BRWD1: variants seen among roughly 807,000 people sequenced by gnomAD.
BRWD1 encodes bromodomain and WD repeat-containing protein 1.
A neutral mutation model predicts 251.2 loss-of-function variants in BRWD1; 82 were observed. The observed-to-expected ratio is 0.33, with a 90% confidence interval of 0.27 to 0.39. The LOEUF (loss-of-function observed/expected upper bound fraction) is 0.39, where lower values mean the gene tolerates loss of function less well. BRWD1 is among the 10% of genes least tolerant of loss of function. The pLI, the probability that BRWD1 is intolerant of heterozygous loss-of-function variation, is 1.00. For missense variants in BRWD1, 2,233 were observed against 2,711.6 expected (o/e 0.82, Z 3.92); for synonymous variants, 918 against 902.8 (o/e 1.02, Z -0.30).
rs2036520710 is a variant in BRWD1 at position 39,312,467 on chromosome 21, G to A, written c.198+374C>T. On this transcript the variant is annotated intron_variant, in intron 4 of 40. Transcript: ENST00000342449. ...ACCCGGGCGGGGCAAGAGCAGCGAG[G>A]CCAATCAGAGCGCGAGTTACAAGCG... 8 of 180,872 alleles carry A rather than the reference G, an allele frequency of 4.4e-5. No individual in the cohort carries two copies. In the South Asian group the frequency reaches 8.4e-4, roughly 19 times the overall value. The allele number at this position is 180,872 out of a possible 1,614,324, so 11.2% of individuals were successfully genotyped here. A position where few individuals can be genotyped will look rare whatever the true frequency, so the allele number is the denominator to read the frequency against.
chr21:39,191,996 A>G lies in BRWD1; in HGVS notation c.*4263T>C. 1.0e-6 allele frequency: 1 copy of G among 985,300 alleles called. No individual in the cohort carries two copies. Among genetic ancestry groups the G allele is most frequent in the Non-Finnish European group, 1.2e-6 (1 of 829,814 alleles). The allele number at this position is 985,300 out of a possible 1,614,324, so 61.0% of individuals were successfully genotyped here. A position where few individuals can be genotyped will look rare whatever the true frequency, so the allele number is the denominator to read the frequency against. ...ACATGTTGCCAAAGATAGAGCCTGC[A>G]GATTGGTAGAATCCAAATGATGTGA... On this transcript the variant is annotated 3_prime_UTR_variant, in exon 41 of 41. Coordinates refer to ENST00000342449, the MANE Select transcript of BRWD1 (RefSeq NM_033656.4).
chr21:39,247,492 C>T (rs958566470), intron 21 of BRWD1, among the ~76,000 whole-genome samples: 1 of 152,124 alleles, frequency 6.6e-6, no homozygotes, highest in South Asian at 2.1e-4. Flanking sequence ...GGATGCTCAA[C>T]ATGTAAAACC....
intron 21 of BRWD1, among the ~76,000 whole-genome samples, chr21:39,245,593 T>G (rs1193642244): frequency 6.3e-5 from 6 of 95,418 alleles, no homozygotes; most frequent in Non-Finnish European, 1.2e-4. Flanking sequence ...TAAATACTTT[T>G]TTTTTTGGTT....
rs754098692 is a variant in BRWD1, at chr21:39,196,458, C to G, written c.6611G>C (p.Arg2204Pro). The change falls in exon 41 of 41, where the codon CGT becomes CCT. Residue 2204 changes from arginine (R) to proline (P), a missense_variant. Physicochemically the swap from Arg to Pro is moderately radical, Grantham distance 103. This residue lies in a region of BRWD1 where 928 missense variants were observed against 970.0 expected (regional missense o/e 0.96). Transcript: ENST00000342449. ...CCTAGGGCGTTTGCTTTGTCTTTGA[C>G]GTCTCACAGTTTTAGATATGTTAGC... Reference protein sequence around the residue: ...FTANISKTVRRQRQSKRPRLS... With the variant: ...FTANISKTVRPQRQSKRPRLS... 6.2e-7 allele frequency: 1 copy of G among 1,613,262 alleles called. No individual in the cohort carries two copies. Among genetic ancestry groups the G allele is most frequent in the South Asian group, 1.1e-5 (1 of 90,968 alleles).
chr21:39,191,808 T>G lies in BRWD1; in HGVS notation c.*4451A>C, dbSNP rs1407908599. The G allele has an allele frequency of 1.0e-6, 1 of 984,888 alleles. No individual in the cohort carries two copies. Among genetic ancestry groups the G allele is most frequent in the Non-Finnish European group, 1.2e-6 (1 of 829,594 alleles). The allele number at this position is 984,888 out of a possible 1,614,324, so 61.0% of individuals were successfully genotyped here. ...AGGTCAATTGGACTGCCTCTTCTCT[T>G]TGGCAGTCTAAAATCTCATTTAAGG... On this transcript the variant is annotated 3_prime_UTR_variant, in exon 41 of 41. Transcript: ENST00000342449.
Position 39,194,691 on chromosome 21 carries a change from T to C in BRWD1, c.*1568A>G. The C allele has an allele frequency of 3.3e-6, 5 of 1,534,874 alleles. No individual in the cohort carries two copies. Among genetic ancestry groups the C allele is most frequent in the Non-Finnish European group, 4.4e-6 (5 of 1,145,808 alleles). On this transcript the variant is annotated 3_prime_UTR_variant, in exon 41 of 41. Transcript: ENST00000342449. ...ACTTCAGAACATTCTCTAACATTAA[T>C]ACCAGTCTGATGCTTCGCCTTGTCT...
At chr21:39,288,513 G>A (rs542433731) in intron 8 of BRWD1, among the ~76,000 whole-genome samples, 3 of 152,092 alleles carry the variant, frequency 2.0e-5, no homozygotes, top group Non-Finnish European at 4.4e-5. Context: ...TTTGATGTAT[G>A]GATTATTTAG....
intron 8 of BRWD1, among the ~76,000 whole-genome samples, chr21:39,285,160 T>C (rs1249243079): frequency 6.6e-6 from 1 of 152,210 alleles, no homozygotes; most frequent in Non-Finnish European, 1.5e-5. Context: ...AACAGAATAT[T>C]CTTCCGTCGT....
At chr21:39,308,897 A>G (rs2036375095) in intron 4 of BRWD1, among the ~76,000 whole-genome samples, 1 of 152,142 alleles carries the variant, frequency 6.6e-6, no homozygotes, top group Non-Finnish European at 1.5e-5. Context: ...GGGAAGGGGC[A>G]GGATGCGGTG....
At chr21:39,223,672 T>C (rs537680878) in intron 29 of BRWD1, among the ~76,000 whole-genome samples, 1 of 152,288 alleles carries the variant, frequency 6.6e-6, no homozygotes, top group African/African-American at 2.4e-5. Context: ...ATGCTAGCAC[T>C]GGAGGACAGG....
At chr21:39,258,718 CAA>C in intron 17 of BRWD1, 46 bp from the exon 18 acceptor site, 1 of 1,337,410 alleles carries the variant, frequency 7.5e-7, no homozygotes, top group African/African-American at 1.5e-5. Flanking sequence ...AAGCAGAAAA[CAA>C]AAAAAAATTT....
At position 39,313,528 on chromosome 21, in the gene BRWD1, G is replaced by A; in HGVS notation, c.-37C>T. On this transcript the variant is annotated 5_prime_UTR_variant, in exon 1 of 41. Transcript: ENST00000342449. ...GGGCGGGAGGCGGGAGCGAGCGAGC[G>A]AGCGGAGCGTGTAGGCCGCGCCGAG... 6 of 1,328,012 alleles carry A rather than the reference G, an allele frequency of 4.5e-6. No homozygotes were observed. Among genetic ancestry groups the A allele is most frequent in the Non-Finnish European group, 5.7e-6 (6 of 1,045,724 alleles). 82.3% of individuals were successfully genotyped at this position (1,328,012 alleles called of 1,614,324 possible). A position where few individuals can be genotyped will look rare whatever the true frequency, so the allele number is the denominator to read the frequency against.
At chr21:39,214,423 A>G (rs571691219) in intron 32 of BRWD1, among the ~76,000 whole-genome samples, 22 of 152,120 alleles carry the variant, frequency 1.4e-4, no homozygotes, top group Non-Finnish European at 2.6e-4. Flanking sequence ...ACTCTATAAA[A>G]TAAGTAACAT....
Position 39,255,701 on chromosome 21 carries a change from G to A in BRWD1, c.2199C>T (p.Asp733=), listed in dbSNP as rs754482444. 3 of 1,614,092 alleles carry A rather than the reference G, an allele frequency of 1.9e-6. No homozygotes were observed. The highest frequency in any genetic ancestry group is 1.6e-4 in the Middle Eastern group (1 of 6,062). ...APRSQIATER[D]LQAWKRRVVV... ...CCACTCTTCGTTTCCAAGCCTGCAGGTCACGTTCTGTAGCAATCTGACTGC... is the reference window on the plus strand; with the variant it reads ...CCACTCTTCGTTTCCAAGCCTGCAGATCACGTTCTGTAGCAATCTGACTGC... Residue 733 remains aspartate, a synonymous_variant, in exon 19 of 41, where the codon GAC becomes GAT. Transcript: ENST00000342449.
intron 28 of BRWD1, 120 bp from the exon 29 acceptor site, chr21:39,224,589 A>G (rs2033307940): frequency 4.9e-6 from 3 of 617,582 alleles, no homozygotes; most frequent in East Asian, 5.6e-5. Context: ...ACAATTTTAA[A>G]TATTAACAGT....
chr21:39,304,957 A>T (rs916959188), intron 4 of BRWD1, among the ~76,000 whole-genome samples: 4 of 121,168 alleles, frequency 3.3e-5, no homozygotes, highest in East Asian at 2.5e-4. Flanking sequence ...ATATTTGGAG[A>T]TTTTTTTTTT....
At chr21:39,292,995 T>A (rs2035859198) in intron 8 of BRWD1, among the ~76,000 whole-genome samples, 1 of 152,108 alleles carries the variant, frequency 6.6e-6, no homozygotes, top group Admixed American at 6.5e-5. Flanking sequence ...GGGAGGGGAA[T>A]CCTTATCTTT....
rs769902969 is a variant in BRWD1 at position 39,274,109 on chromosome 21, TAAG to T, written c.1244+262_1244+264del. Among the ~76,000 whole-genome samples the T allele has an allele frequency of 6.6e-5, 10 of 152,172 alleles. No homozygotes were observed. The East Asian group carries it at 9.6e-4, about 15-fold the overall frequency. On this transcript the variant is annotated intron_variant, in intron 13 of 40. Transcript: ENST00000342449. ...TGTAGAAGCTTTTAAATGCAACATCTAAGAAGGAGGTCAATGCTTTGAACCATA... is the reference window on the plus strand; with the variant it reads ...TGTAGAAGCTTTTAAATGCAACATCTAAGGAGGTCAATGCTTTGAACCATA...
rs2031269790 is a variant in BRWD1, at chr21:39,186,974, T to C, written c.*9285A>G. On this transcript the variant is annotated 3_prime_UTR_variant, in exon 41 of 41. Coordinates refer to ENST00000342449, the MANE Select transcript of BRWD1 (RefSeq NM_033656.4). ...GCTGGGAGCAGAATGTAACTGCCAG[T>C]TTACTTGTGTACCAATTGTTTTCAG... 1.3e-6 allele frequency: 2 copies of C among 1,507,570 alleles called. No homozygotes were observed. The highest frequency in any genetic ancestry group is 1.4e-5 in the African/African-American group (1 of 71,184). The allele number at this position is 1,507,570 out of a possible 1,614,324, so 93.4% of individuals were successfully genotyped here. A position where few individuals can be genotyped will look rare whatever the true frequency, so the allele number is the denominator to read the frequency against.
Sources: allele counts gnomAD v4.1 joint callset (sites outside exome capture counted in the v4.1 genomes callset), GRCh38; gene constraint gnomAD v4.1.1; regional missense constraint gnomAD v4.1.1; transcripts MANE v1.5; gene names NCBI Gene and HGNC (gene_info 2026-07-23, HGNC 2026-07-21).